The following CTRB1 variants were observed in gnomAD, a reference collection of about 807,000 sequenced individuals.
The protein encoded by CTRB1 is chymotrypsinogen B1.
A neutral mutation model predicts 20.4 loss-of-function variants in CTRB1; 15 were observed. That is an observed-to-expected ratio of 0.74 (90% CI 0.49 to 1.13). CTRB1 has a LOEUF of 1.13. CTRB1 is among the 50% of genes most tolerant of loss of function. CTRB1 has a pLI of 0.00. For synonymous variants in CTRB1, 92 were observed against 128.4 expected, an observed-to-expected ratio of 0.72 and a Z score of 1.92; for missense variants, 227 against 290.1, an observed-to-expected ratio of 0.78 and a Z score of 1.58.
chr16:75,221,561 T>C (rs544672831), intron 1 of CTRB1, among the ~76,000 whole-genome samples: 1 of 152,150 alleles, frequency 6.6e-6, no homozygotes, highest in South Asian at 2.1e-4. Context: ...GGTTTTACTA[T>C]GTTGGCCAGG....
chr16:75,220,131 G>A (rs892223841), intron 1 of CTRB1, among the ~76,000 whole-genome samples: 4 of 144,994 alleles, frequency 2.8e-5, no homozygotes, highest in Admixed American at 6.7e-5. Flanking sequence ...CTACAGGCAC[G>A]CTAAGTTTAA....
intron 1 of CTRB1, among the ~76,000 whole-genome samples, chr16:75,221,342 A>G (rs2039080865): frequency 6.6e-6 from 1 of 152,070 alleles, no homozygotes; most frequent in Non-Finnish European, 1.5e-5. Context: ...ATGGTGTGGA[A>G]GTAAAGTCCA....
intron 1 of CTRB1, among the ~76,000 whole-genome samples, chr16:75,220,148 G>GTT (rs2039062116): frequency 6.6e-6 from 1 of 151,400 alleles, no homozygotes; most frequent in South Asian, 2.1e-4. Context: ...TTAAAAACTT[G>GTT]TTTTGTTTTG....
chr16:75,219,427 T>A (rs1028696210), intron 1 of CTRB1, among the ~76,000 whole-genome samples: 20 of 152,004 alleles, frequency 1.3e-4, no homozygotes, highest in Admixed American at 1.3e-3. Context: ...ATTTCACTCC[T>A]ATTGCCGAGG....
intron 1 of CTRB1, 147 bp from the exon 2 acceptor site, chr16:75,222,621 G>T: frequency 1.2e-6 from 1 of 810,668 alleles, no homozygotes; most frequent in South Asian, 1.9e-5. Context: ...TAGAGACTTG[G>T]GGACCAGGGA....
At chr16:75,219,254 C>G (rs2039043925) in intron 1 of CTRB1, among the ~76,000 whole-genome samples, 195 bp downstream of exon 1, 1 of 152,204 alleles carries the variant, frequency 6.6e-6, no homozygotes, top group African/African-American at 2.4e-5. Flanking sequence ...ATGCTGGTCT[C>G]TGCCATGGTC....
rs765565844 is a variant in CTRB1 at position 75,219,019 on chromosome 16, C to G, written c.12C>G (p.Leu4=). Reference sequence around the variant, plus strand: ...TCTGAGGCAGCGGCATGGCTTCCCTCTGGCTCCTCTCCTGCTTCTCCCTTG... The same window carrying G: ...TCTGAGGCAGCGGCATGGCTTCCCTGTGGCTCCTCTCCTGCTTCTCCCTTG... The part of the protein sequence containing the change: MAS[L]WLLSCFSLVG... The change falls in exon 1 of 7, where the codon CTC becomes CTG. Residue 4 remains leucine, a synonymous_variant. Transcript: ENST00000361017. The G allele has an allele frequency of 3.3e-5, 52 of 1,590,442 alleles. No individual in the cohort carries two copies. The highest frequency in any genetic ancestry group is 4.2e-5 in the Non-Finnish European group (49 of 1,170,086).
Position 75,224,772 on chromosome 16 carries a change from G to GT in CTRB1, c.698_699insT (p.Trp233CysfsTer47). ...TGGACCCTGGTGGGCATTGTGTCCT[G>GT]GGGCAGCGACACCTGCTCCACCTCC... On this transcript the variant is annotated frameshift_variant, in exon 7 of 7. Transcript: ENST00000361017. LOFTEE classifies it low-confidence loss of function (END_TRUNC). 6.2e-7 allele frequency: 1 copy of GT among 1,613,838 alleles called. No individual in the cohort carries two copies. Among genetic ancestry groups the GT allele is most frequent in the Non-Finnish European group, 8.5e-7 (1 of 1,180,002 alleles).
At chr16:75,221,148 G>A (rs956500259) in intron 1 of CTRB1, among the ~76,000 whole-genome samples, 8 of 148,398 alleles carry the variant, frequency 5.4e-5, no homozygotes, top group African/African-American at 2.0e-4. Flanking sequence ...AGGCGAATAT[G>A]ACCCCAGAAG....
intron 1 of CTRB1, among the ~76,000 whole-genome samples, chr16:75,220,266 C>T (rs2039064409): frequency 6.6e-6 from 1 of 152,198 alleles, no homozygotes. Flanking sequence ...TCACTGCAAC[C>T]TCCGCCTCCT....
chr16:75,222,152 C>A (rs1284043051), intron 1 of CTRB1, among the ~76,000 whole-genome samples: 2 of 129,322 alleles, frequency 1.5e-5, no homozygotes, highest in Non-Finnish European at 3.4e-5. Context: ...CAGAGCAAGA[C>A]CCTAACTGGA....
intron 1 of CTRB1, among the ~76,000 whole-genome samples, chr16:75,220,827 C>T (rs1477393114): frequency 2.6e-5 from 4 of 151,498 alleles, no homozygotes; most frequent in Admixed American, 6.6e-5. Context: ...GGCATGATTT[C>T]GGCTCACTGC....
chr16:75,224,691 T>A lies in CTRB1; in HGVS notation c.631-14T>A, dbSNP rs2076721713. On this transcript the variant is annotated splice_polypyrimidine_tract_variant and intron_variant, in intron 6 of 6. Coordinates refer to ENST00000361017, the MANE Select transcript of CTRB1 (RefSeq NM_001906.6). The stretch of plus-strand genomic sequence containing the variant: ...CGGCTGCCAGATCCAAGCCCCCTTC[T>A]CCCTCTCCCACAGGGCGACTCTGGC... The A allele has an allele frequency of 1.3e-6, 2 of 1,599,542 alleles. No individual in the cohort carries two copies. Among genetic ancestry groups the A allele is most frequent in the Non-Finnish European group, 1.7e-6 (2 of 1,174,130 alleles).
intron 1 of CTRB1, chr16:75,222,542 A>G: frequency 1.7e-6 from 1 of 580,710 alleles, no homozygotes; most frequent in Non-Finnish European, 3.0e-6. Context: ...AGGTAGGAGG[A>G]GACATGACGC....
chr16:75,219,901 T>C (rs566060715), intron 1 of CTRB1, among the ~76,000 whole-genome samples: 2 of 152,374 alleles, frequency 1.3e-5, no homozygotes, highest in South Asian at 2.1e-4. Context: ...TGTGAGCTTA[T>C]ACAATTGTAC....
chr16:75,219,841 C>T (rs1217018577), intron 1 of CTRB1, among the ~76,000 whole-genome samples: 2 of 152,242 alleles, frequency 1.3e-5, no homozygotes, highest in African/African-American at 2.4e-5. Context: ...CTCCCTCCTT[C>T]CCTCTCTGGA....
chr16:75,219,107 G>A, intron 1 of CTRB1, 48 bp downstream of exon 1: 2 of 1,544,828 alleles, frequency 1.3e-6, no homozygotes, highest in South Asian at 1.2e-5. Flanking sequence ...CCCTGAGCCT[G>A]GCTGAGAGGG....
intron 1 of CTRB1, among the ~76,000 whole-genome samples, chr16:75,222,328 C>G (rs959692165): frequency 2.6e-5 from 4 of 152,172 alleles, no homozygotes; most frequent in African/African-American, 9.7e-5. Flanking sequence ...CCCACTTCCC[C>G]TCTCGCCACC....
chr16:75,222,699 C>A, intron 1 of CTRB1, 69 bp from the exon 2 acceptor site: 1 of 1,485,898 alleles, frequency 6.7e-7, no homozygotes. Flanking sequence ...ACCGGGAGAG[C>A]TGCACGCAGG....
Sources: gnomAD v4.1 joint callset for allele counts (sites outside exome capture counted in the v4.1 genomes callset) on GRCh38, gnomAD v4.1.1 for gene constraint, MANE v1.5 for transcripts, NCBI Gene and HGNC (gene_info 2026-07-23, HGNC 2026-07-21) for gene names.